The following WRN variants were observed in gnomAD, a reference collection of about 807,000 sequenced individuals.
WRN encodes the protein WRN RecQ like helicase.
Under a neutral mutation model 180.7 loss-of-function variants are expected in WRN, and 149 were observed. That is an observed-to-expected ratio of 0.82 (90% CI 0.72 to 0.94). The LOEUF (loss-of-function observed/expected upper bound fraction) is 0.94. WRN is among the 40% of genes least tolerant of loss of function. The pLI is 0.00. For missense variants in WRN, 1,661 were observed against 1,700.1 expected (o/e 0.98, Z 0.40); for synonymous variants, 548 against 568.9 (o/e 0.96, Z 0.52).
chr8:31,044,498 A>AGCACTCGCTGCCACACCT (rs1811783287), intron 1 of WRN, among the ~76,000 whole-genome samples: 1 of 151,862 alleles, frequency 6.6e-6, no homozygotes, highest in South Asian at 2.1e-4. Context: ...CTGGGATTAC[A>AGCACTCGCTGCCACACCT]GGCGCCCGCC....
intron 28 of WRN, 97 bp from the exon 29 acceptor site, chr8:31,146,956 A>T: frequency 1.0e-6 from 1 of 1,004,338 alleles, no homozygotes; most frequent in Non-Finnish European, 1.5e-6. Flanking sequence ...AAATGTTTGT[A>T]CTGATTTGGA....
chr8:31,120,422 T>C lies in WRN; in HGVS notation c.2628T>C (p.Asn876=), dbSNP rs765756171. 1.4e-5 allele frequency: 22 copies of C among 1,611,196 alleles called. No homozygotes were observed. Among genetic ancestry groups the C allele is most frequent in the East Asian group, 2.2e-5 (1 of 44,806 alleles). ...VLWAPADINL[N]RHLLTEIRNE... ...GGGCTCCTGCAGACATTAACTTAAA[T>C]AGGTAAAAAAAATTTATTGTTTTTA... is the stretch of plus-strand genomic sequence containing the variant. Residue 876 remains asparagine, a splice_region_variant and synonymous_variant, in exon 21 of 35, where the codon AAT becomes AAC. Transcript: ENST00000298139.
intron 9 of WRN, among the ~76,000 whole-genome samples, chr8:31,082,490 T>C (rs903577109): frequency 2.6e-5 from 4 of 152,218 alleles, no homozygotes; most frequent in African/African-American, 7.2e-5. Flanking sequence ...CTGGGAAATA[T>C]CAGTTTTTGC....
At chr8:31,158,144 A>ATT (rs1203610296) in intron 33 of WRN, among the ~76,000 whole-genome samples, 2 of 151,958 alleles carry the variant, frequency 1.3e-5, no homozygotes, top group African/African-American at 4.8e-5. Flanking sequence ...CAAAAACCAT[A>ATT]TTTTTCTCCA....
chr8:31,172,107 T>C (rs539870714), intron 34 of WRN, among the ~76,000 whole-genome samples: 18 of 152,226 alleles, frequency 1.2e-4, no homozygotes, highest in African/African-American at 4.3e-4. Flanking sequence ...TTTTTTTTCA[T>C]GTGCAGATGG....
intron 30 of WRN, among the ~76,000 whole-genome samples, chr8:31,148,025 C>T (rs1474764092): frequency 6.6e-6 from 1 of 151,718 alleles, no homozygotes; most frequent in Admixed American, 6.6e-5. Flanking sequence ...GTAGCTGGGA[C>T]TACAGAACAT....
intron 33 of WRN, among the ~76,000 whole-genome samples, chr8:31,158,494 A>T (rs995405849): frequency 6.6e-6 from 1 of 152,120 alleles, no homozygotes; most frequent in Non-Finnish European, 1.5e-5. Context: ...TTATAACTCA[A>T]TAAATCTGAT....
At chr8:31,106,519 T>C (rs1169645217) in intron 18 of WRN, among the ~76,000 whole-genome samples, 1 of 152,142 alleles carries the variant, frequency 6.6e-6, no homozygotes, top group Non-Finnish European at 1.5e-5. Flanking sequence ...TTGTTTTTCT[T>C]CGGACATTCC....
intron 31 of WRN, among the ~76,000 whole-genome samples, chr8:31,154,350 T>C (rs893385531): frequency 6.6e-6 from 1 of 152,120 alleles, no homozygotes; most frequent in East Asian, 1.9e-4. Flanking sequence ...ATAGTTCCTT[T>C]TTTTAGTCCT....
At chr8:31,145,581 C>T (rs11574352) in intron 28 of WRN, among the ~76,000 whole-genome samples, 34,622 of 152,066 alleles carry the variant, frequency 0.23, 4,142 homozygotes, top group South Asian at 0.29. Flanking sequence ...CATGCCTGCT[C>T]GCTTAACATC....
chr8:31,144,439 G>A (rs1015818436), intron 28 of WRN, among the ~76,000 whole-genome samples: 1 of 151,144 alleles, frequency 6.6e-6, no homozygotes, highest in African/African-American at 2.4e-5. Flanking sequence ...GGGTTCAAGC[G>A]ATTCTCCTGT....
intron 6 of WRN, 39 bp downstream of exon 6, chr8:31,067,221 T>G (rs1176751405): frequency 1.2e-6 from 2 of 1,609,158 alleles, no homozygotes; most frequent in Admixed American, 3.3e-5. Context: ...TGATGTGTTT[T>G]AAAAACATTA....
chr8:31,149,910 T>C (rs1427425494), intron 30 of WRN, among the ~76,000 whole-genome samples: 1 of 152,236 alleles, frequency 6.6e-6, no homozygotes, highest in Non-Finnish European at 1.5e-5. Flanking sequence ...GCAGATATAC[T>C]GTTACAGGTA....
At position 31,164,810 on chromosome 8, in the gene WRN, G is replaced by A. The variant is rs563139220; in HGVS notation, c.3983-2212G>A. Among the ~76,000 whole-genome samples, 11 of 152,230 alleles carry A rather than the reference G, an allele frequency of 7.2e-5. No individual in the cohort carries two copies. In the South Asian group the frequency reaches 2.1e-3, roughly 29 times the overall value. The stretch of plus-strand genomic sequence containing the variant: ...TGATCTCTTTTAAAACACTGAAGGC[G>A]TGTAGCCAGTGTTGTCATTAATTCT... On this transcript the variant is annotated intron_variant, in intron 33 of 34. Coordinates refer to ENST00000298139, the MANE Select transcript of WRN (RefSeq NM_000553.6).
At chr8:31,082,000 A>G (rs1813333811) in intron 9 of WRN, among the ~76,000 whole-genome samples, 1 of 152,114 alleles carries the variant, frequency 6.6e-6, no homozygotes, top group Non-Finnish European at 1.5e-5. Flanking sequence ...GACTCAAGTG[A>G]TCCACCTGCC....
chr8:31,073,149 A>G (rs1812972128), intron 7 of WRN, among the ~76,000 whole-genome samples: 1 of 152,236 alleles, frequency 6.6e-6, no homozygotes, highest in South Asian at 2.1e-4. Flanking sequence ...TTATTTTAGA[A>G]ATATTTTTCT....
intron 5 of WRN, among the ~76,000 whole-genome samples, chr8:31,066,634 T>C (rs1018060270): frequency 9.9e-5 from 15 of 152,080 alleles, no homozygotes; most frequent in Non-Finnish European, 1.9e-4. Context: ...ATAATGGAGC[T>C]CTTGTGATAC....
intron 33 of WRN, among the ~76,000 whole-genome samples, chr8:31,161,459 A>C (rs540351734): frequency 6.6e-6 from 1 of 152,330 alleles, no homozygotes; most frequent in Non-Finnish European, 1.5e-5. Context: ...TTTACTGAAC[A>C]CTGTAGGCAA....
intron 34 of WRN, among the ~76,000 whole-genome samples, chr8:31,169,868 G>C (rs540745490): frequency 6.7e-6 from 1 of 149,622 alleles, no homozygotes; most frequent in Non-Finnish European, 1.5e-5. Flanking sequence ...CTAGTCCCAG[G>C]GTTCAGAGTA....
Sources: allele counts gnomAD v4.1 joint callset (sites outside exome capture counted in the v4.1 genomes callset), GRCh38; gene constraint gnomAD v4.1.1; transcripts MANE v1.5; gene names NCBI Gene and HGNC (gene_info 2026-07-23, HGNC 2026-07-21).